LZTS2: variants seen among roughly 807,000 people sequenced by gnomAD.
LZTS2 encodes leucine zipper putative tumor suppressor 2.
In LZTS2, 32 loss-of-function variants were observed where a neutral mutation model predicts 60.6. That is an observed-to-expected ratio of 0.53 (90% CI 0.40 to 0.71). LZTS2 has a LOEUF of 0.71. Among genes scored for constraint, LZTS2 ranks in the 30% least tolerant of loss-of-function variants. The probability of loss-of-function intolerance (pLI) is 0.00; values close to 1 mark genes in which losing one functional copy is unlikely to be tolerated. For synonymous variants in LZTS2, 360 were observed against 393.1 expected (o/e 0.92, Z 1.00); for missense variants, 792 against 901.9 (o/e 0.88, Z 1.56).
rs865872494 is a variant in LZTS2, at chr10:101,006,943, C to G, written c.1785C>G (p.Ser595Arg). Residue 595 changes from serine (S) to arginine (R), a missense_variant, in exon 4 of 4, where the codon AGC becomes AGG. Transcript: ENST00000370220. The stretch of plus-strand genomic sequence containing the variant: ...GGCGGGGTGAGGAGCAGCGGGACAG[C>G]TTTGAGGGGGAGCGGCTGGCCTGGC... 2.6e-6 allele frequency: 4 copies of G among 1,546,724 alleles called. No individual in the cohort carries two copies. The Middle Eastern group carries it at 6.9e-4, about 268-fold the overall frequency.
intron 3 of LZTS2, 94 bp downstream of exon 4, chr10:101,005,809 C>T (rs1590038315): frequency 1.4e-6 from 2 of 1,399,900 alleles, no homozygotes; most frequent in Non-Finnish European, 9.4e-7. Flanking sequence ...CCTGCCACCC[C>T]CAGAGGTCCT....
chr10:101,006,825 A>T, exon 4 of LZTS2: 1 of 1,540,926 alleles, frequency 6.5e-7, no homozygotes, highest in South Asian at 1.3e-5. Context: ...GCAGAGAGTG[A>T]TGAGGCCAAA....
At chr10:101,003,445 G>A (rs1852090144) in intron 1 of LZTS2, 62 bp from the exon 3 acceptor site, 2 of 1,490,046 alleles carry the variant, frequency 1.3e-6, no homozygotes, top group Non-Finnish European at 1.8e-6. Flanking sequence ...GGCAGGGAGT[G>A]TCATAAGGGC....
chr10:100,998,073 C>T (rs1480483039), upstream of LZTS2, among the ~76,000 whole-genome samples: 1 of 152,244 alleles, frequency 6.6e-6, no homozygotes, highest in Non-Finnish European at 1.5e-5. Context: ...CCTACCCTCA[C>T]CTCCACTCCT....
At chr10:100,997,335 G>A (rs1851937141), upstream of LZTS2, 1 of 152,236 alleles carries the variant, frequency 6.6e-6, no homozygotes, top group East Asian at 1.9e-4. Context: ...GTTGGGGTGA[G>A]GAGGGGGGTC....
At chr10:101,000,153 C>G (rs1288789522) in exon 1 of LZTS2, 3 of 152,560 alleles carry the variant, frequency 2.0e-5, no homozygotes, top group Non-Finnish European at 4.4e-5. Context: ...TTGACTGGTC[C>G]TTGGAGTTTG....
chr10:101,005,816 T>C lies in LZTS2; in HGVS notation c.1326+101T>C, dbSNP rs567109814. 1.4e-5 allele frequency: 19 copies of C among 1,378,116 alleles called. No individual in the cohort carries two copies. The South Asian group carries it at 2.6e-4, about 19-fold the overall frequency. The allele number at this position is 1,378,116 out of a possible 1,614,324, so 85.4% of individuals were successfully genotyped here. On this transcript the variant is annotated intron_variant, in intron 3 of 3. Coordinates refer to ENST00000370220, the Ensembl canonical transcript of LZTS2. ...TCCCTCAGCCTGCCACCCCCAGAGGTCCTCCCCTTTCTCACCTCCGTGAGA... is the reference window on the plus strand; with the variant it reads ...TCCCTCAGCCTGCCACCCCCAGAGGCCCTCCCCTTTCTCACCTCCGTGAGA...
exon 1 of LZTS2, chr10:101,000,079 T>A (rs1050097283): frequency 1.3e-5 from 2 of 152,216 alleles, no homozygotes; most frequent in African/African-American, 4.8e-5. Context: ...CTCTGGAGAA[T>A]GGGTCAGGGG....
At position 101,005,495 on chromosome 10, in the gene LZTS2, G is replaced by A. The variant is rs141703875; in HGVS notation, c.1106G>A (p.Arg369His). The A allele has an allele frequency of 8.7e-5, 137 of 1,582,202 alleles. No individual in the cohort carries two copies. In the African/African-American group the frequency reaches 1.5e-3, roughly 17 times the overall value. Reference sequence around the variant, plus strand: ...CGGCAGCGGCACTGGCAGCGAGAGCGTGAGGCCCTGCGAGAGGACTGTGCG... The same window carrying A: ...CGGCAGCGGCACTGGCAGCGAGAGCATGAGGCCCTGCGAGAGGACTGTGCG... Residue 369 changes from arginine to histidine, a missense_variant, in exon 3 of 4, where the codon CGT becomes CAT. Coordinates refer to ENST00000370220, the Ensembl canonical transcript of LZTS2.
chr10:101,004,042 C>T (rs747208035), exon 2 of LZTS2: 73 of 1,613,248 alleles, frequency 4.5e-5, no homozygotes, highest in Non-Finnish European at 5.6e-5. Flanking sequence ...CCACCACCCC[C>T]GCCTCCACCT....
exon 4 of LZTS2, chr10:101,007,021 C>T (rs772538260): frequency 6.3e-7 from 1 of 1,580,504 alleles, no homozygotes; most frequent in Non-Finnish European, 8.6e-7. Flanking sequence ...AGCACAACTA[C>T]ATCCAGATGT....
At chr10:101,004,012 G>A in exon 2 of LZTS2, 1 of 1,613,212 alleles carries the variant, frequency 6.2e-7, no homozygotes, top group Non-Finnish European at 8.5e-7. Context: ...CCTGACAGCA[G>A]CTCCTGTGGG....
At chr10:101,006,776 C>G (rs1449846093) in exon 4 of LZTS2, 2 of 1,555,096 alleles carry the variant, frequency 1.3e-6, no homozygotes, top group Admixed American at 1.9e-5. Context: ...ACTCCGGGAG[C>G]CCCCTGTGCC....
At chr10:101,004,838 G>T (rs1318885319) in intron 2 of LZTS2, among the ~76,000 whole-genome samples, 1 of 152,100 alleles carries the variant, frequency 6.6e-6, no homozygotes, top group East Asian at 1.9e-4. Flanking sequence ...CTATATAAAT[G>T]CTTGCCTTTT....
chr10:100,999,562 C>G (rs1201747441), exon 1 of LZTS2: 2 of 152,386 alleles, frequency 1.3e-5, no homozygotes, highest in Non-Finnish European at 2.9e-5. Context: ...TTGAGGGTGA[C>G]CACCGCCGCC....
chr10:101,005,747 G>A, intron 3 of LZTS2, 32 bp downstream of exon 4: 1 of 1,506,784 alleles, frequency 6.6e-7, no homozygotes, highest in East Asian at 2.5e-5. Flanking sequence ...AGGGAGCAGG[G>A]TCACACAGGG....
Position 101,003,487 on chromosome 10 carries a change from C to T in LZTS2, c.409-20C>T. On this transcript the variant is annotated intron_variant, in intron 1 of 3. Coordinates refer to ENST00000370220, the Ensembl canonical transcript of LZTS2. ...AGATTGGGCAGCTCATCTCCAGTGT[C>T]ACATGGCACCTCATTTCAGAACATG... The T allele has an allele frequency of 1.3e-6, 2 of 1,513,372 alleles. No individual in the cohort carries two copies. The highest frequency in any genetic ancestry group is 1.8e-6 in the Non-Finnish European group (2 of 1,131,098). 93.7% of individuals were successfully genotyped at this position (1,513,372 alleles called of 1,614,324 possible).
At chr10:101,007,475 C>T in exon 4 of LZTS2, 1 of 1,434,952 alleles carries the variant, frequency 7.0e-7, no homozygotes, top group Non-Finnish European at 9.2e-7. Flanking sequence ...CAGCCCACTC[C>T]AGCCAGGGGA....
exon 2 of LZTS2, chr10:101,004,040 C>T (rs752234646): frequency 9.3e-6 from 15 of 1,613,374 alleles, no homozygotes; most frequent in Non-Finnish European, 1.1e-5. Context: ...CACCACCACC[C>T]CCGCCTCCAC....
Sources: gnomAD v4.1 joint callset for allele counts (sites outside exome capture counted in the v4.1 genomes callset) on GRCh38, gnomAD v4.1.1 for gene constraint, MANE v1.5 for transcripts, NCBI Gene and HGNC (gene_info 2026-07-23, HGNC 2026-07-21) for gene names.